Variants in STRBP observed in about 807,000 individuals in gnomAD.
STRBP encodes spermatid perinuclear RNA binding protein.
A neutral mutation model predicts 80.1 loss-of-function variants in STRBP; 13 were observed. The ratio of observed to expected loss-of-function variants is 0.16; its 90% confidence interval spans 0.11 to 0.26. STRBP has a LOEUF of 0.26. Ranked by LOEUF, STRBP falls within the 10% of genes least tolerant of loss-of-function variation. The probability of loss-of-function intolerance (pLI) is 1.00; values close to 1 mark genes in which losing one functional copy is unlikely to be tolerated. For missense variants in STRBP, 485 were observed against 815.2 expected (o/e 0.59, Z 4.93); for synonymous variants, 284 against 291.2 (o/e 0.98, Z 0.25).
chr9:123,221,725 T>C (rs1340968064), intron 2 of STRBP, among the ~76,000 whole-genome samples: 1 of 152,246 alleles, frequency 6.6e-6, no homozygotes, highest in Non-Finnish European at 1.5e-5. Context: ...TGATTGTTTC[T>C]TCATTTCCGG....
chr9:123,237,568 GAAC>G (rs1442427659), intron 1 of STRBP, among the ~76,000 whole-genome samples: 1 of 151,500 alleles, frequency 6.6e-6, no homozygotes. Context: ...CTTCCAACAA[GAAC>G]AACCTTGAAA....
intron 1 of STRBP, among the ~76,000 whole-genome samples, chr9:123,247,920 CAAT>C (rs981874788): frequency 6.6e-5 from 10 of 151,952 alleles, no homozygotes; most frequent in Admixed American, 5.9e-4. Flanking sequence ...AAAAAAACAA[CAAT>C]AATAATAGTT....
chr9:123,162,134 T>G (rs2037546828), intron 6 of STRBP, among the ~76,000 whole-genome samples: 1 of 152,224 alleles, frequency 6.6e-6, no homozygotes, highest in East Asian at 1.9e-4. Flanking sequence ...AATGTATATA[T>G]TTCTAAATGG....
Position 123,123,129 on chromosome 9 carries a change from GAGA to G in STRBP, c.*2465_*2467del. On this transcript the variant is annotated 3_prime_UTR_variant, in exon 19 of 19. Coordinates refer to ENST00000348403, the MANE Select transcript of STRBP (RefSeq NM_018387.5). The stretch of plus-strand genomic sequence containing the variant: ...GACAACCTGATGGTTCTAGAAGTCA[GAGA>G]AGAAATCTTGAGGGCCCAAGTGAAT... The G allele has an allele frequency of 1.0e-6, 1 of 985,426 alleles. No homozygotes were observed. Among genetic ancestry groups the G allele is most frequent in the Non-Finnish European group, 1.2e-6 (1 of 829,942 alleles). 61.0% of individuals were successfully genotyped at this position (985,426 alleles called of 1,614,324 possible).
intron 2 of STRBP, among the ~76,000 whole-genome samples, chr9:123,207,854 T>C (rs910077235): frequency 1.3e-5 from 2 of 152,152 alleles, no homozygotes; most frequent in Non-Finnish European, 2.9e-5. Flanking sequence ...ATGAGAGAGA[T>C]ATTTGTGGTG....
At chr9:123,165,932 T>G (rs2037739758) in intron 6 of STRBP, among the ~76,000 whole-genome samples, 1 of 152,340 alleles carries the variant, frequency 6.6e-6, no homozygotes, top group South Asian at 2.1e-4. Context: ...TAATCTTCAA[T>G]ATATATTACT....
At chr9:123,143,774 A>G (rs1161858099) in intron 13 of STRBP, among the ~76,000 whole-genome samples, 1 of 152,248 alleles carries the variant, frequency 6.6e-6, no homozygotes. Context: ...GAAGTATCTA[A>G]ATCTAAAATG....
intron 13 of STRBP, among the ~76,000 whole-genome samples, 186 bp from the exon 14 acceptor site, chr9:123,139,873 T>C (rs969917508): frequency 6.6e-6 from 1 of 152,168 alleles, no homozygotes; most frequent in East Asian, 1.9e-4. Flanking sequence ...GGTAGCACCA[T>C]GGAAAAATGG....
intron 2 of STRBP, among the ~76,000 whole-genome samples, chr9:123,218,563 G>C (rs1274433131): frequency 6.6e-6 from 1 of 150,628 alleles, no homozygotes; most frequent in Non-Finnish European, 1.5e-5. Context: ...TAGAGACGGG[G>C]TTTCACCTTG....
At chr9:123,245,029 C>A (rs2040770957) in intron 1 of STRBP, among the ~76,000 whole-genome samples, 1 of 152,122 alleles carries the variant, frequency 6.6e-6, no homozygotes. Context: ...AAGGAATTAG[C>A]CTGAGTGAAA....
chr9:123,245,823 T>C lies in STRBP; in HGVS notation c.-301-8857A>G, dbSNP rs183697364. 5.8e-4 allele frequency among the ~76,000 whole-genome samples: 89 copies of C among 152,356 alleles called. 1 individual carries two copies. The East Asian group carries it at 0.016, about 27-fold the overall frequency. ...TAAGATTATTAACAGTTGTTAAGGA[T>C]CTGGCTGTTAACAATTCACTAAAAT... On this transcript the variant is annotated intron_variant, in intron 1 of 18. Coordinates refer to ENST00000348403, the MANE Select transcript of STRBP (RefSeq NM_018387.5).
At chr9:123,140,109 T>C (rs2036526222) in intron 13 of STRBP, among the ~76,000 whole-genome samples, 1 of 152,142 alleles carries the variant, frequency 6.6e-6, no homozygotes, top group Non-Finnish European at 1.5e-5. Context: ...TGGCCCTCAA[T>C]TTTCCAATCT....
chr9:123,254,456 C>CAAAAAAAAAAAAAAAAAAAAAAAAAA (rs1205708821), intron 1 of STRBP, among the ~76,000 whole-genome samples: 1 of 65,738 alleles, frequency 1.5e-5, no homozygotes, highest in Non-Finnish European at 4.5e-5. Flanking sequence ...GACTCCGTCT[C>CAAAAAAAAAAAAAAAAAAAAAAAAAA]AAAAAAAAAA....
chr9:123,128,440 G>A (rs184609460), intron 17 of STRBP, among the ~76,000 whole-genome samples, 182 bp from the exon 18 acceptor site: 2 of 152,296 alleles, frequency 1.3e-5, no homozygotes, highest in Non-Finnish European at 2.9e-5. Context: ...TGCTTAAGAT[G>A]TGGGAGCTCC....
intron 1 of STRBP, among the ~76,000 whole-genome samples, chr9:123,240,010 C>CA (rs2040659390): frequency 6.6e-6 from 1 of 151,936 alleles, no homozygotes; most frequent in Non-Finnish European, 1.5e-5. Context: ...GTCTTCTGAC[C>CA]AAAAAAATAA....
chr9:123,222,177 CT>C (rs56900010), intron 2 of STRBP, among the ~76,000 whole-genome samples: 79 of 144,258 alleles, frequency 5.5e-4, no homozygotes, highest in Middle Eastern at 3.6e-3. Flanking sequence ...GCAGTGTTTT[CT>C]TTTTTTTTTT....
intron 1 of STRBP, among the ~76,000 whole-genome samples, chr9:123,251,426 T>C (rs1254996562): frequency 6.6e-6 from 1 of 152,144 alleles, no homozygotes; most frequent in African/African-American, 2.4e-5. Context: ...ACACAGTTAA[T>C]ACATGGTGGA....
intron 2 of STRBP, among the ~76,000 whole-genome samples, chr9:123,204,047 C>A (rs1448617759): frequency 6.6e-6 from 1 of 152,168 alleles, no homozygotes; most frequent in Non-Finnish European, 1.5e-5. Flanking sequence ...CAAAGCACAT[C>A]TGTTTTATTT....
chr9:123,175,005 T>C (rs1482640527), intron 4 of STRBP, among the ~76,000 whole-genome samples: 2 of 152,154 alleles, frequency 1.3e-5, no homozygotes, highest in Non-Finnish European at 2.9e-5. Flanking sequence ...ACAAAAGCAG[T>C]AACAGTTTAA....
Sources: allele counts gnomAD v4.1 joint callset (sites outside exome capture counted in the v4.1 genomes callset), GRCh38; gene constraint gnomAD v4.1.1; transcripts MANE v1.5; gene names NCBI Gene and HGNC (gene_info 2026-07-23, HGNC 2026-07-21).